WDR89: variants seen among roughly 807,000 people sequenced by gnomAD.
WDR89 encodes WD repeat domain 89.
Under a neutral mutation model 29.1 loss-of-function variants are expected in WDR89, and 17 were observed. The observed-to-expected ratio is 0.58, with a 90% CI of 0.40 to 0.88. The LOEUF is 0.88. WDR89 is among the 40% of genes least tolerant of loss of function. The pLI is 0.00. For missense variants in WDR89, 396 were observed against 456.3 expected, an observed-to-expected ratio of 0.87 and a Z score of 1.20; for synonymous variants, 138 against 157.8, an observed-to-expected ratio of 0.87 and a Z score of 0.94.
chr14:63,624,063 AT>A (rs1196438523), intron 2 of WDR89, among the ~76,000 whole-genome samples: 2 of 152,218 alleles, frequency 1.3e-5, no homozygotes, highest in Non-Finnish European at 2.9e-5. Context: ...AAAAAAGGGA[AT>A]CTATGACCTT....
intron 2 of WDR89, among the ~76,000 whole-genome samples, chr14:63,603,291 T>C (rs1168323453): frequency 6.6e-6 from 1 of 151,970 alleles, no homozygotes; most frequent in Non-Finnish European, 1.5e-5. Flanking sequence ...CACACCCCAC[T>C]GCTTTTTAAA....
intron 2 of WDR89, among the ~76,000 whole-genome samples, chr14:63,603,720 A>T (rs1009804980): frequency 6.6e-6 from 1 of 152,228 alleles, no homozygotes; most frequent in Non-Finnish European, 1.5e-5. Context: ...GGACCCCATC[A>T]GTCTGTAAGC....
intron 1 of WDR89, among the ~76,000 whole-genome samples, chr14:63,630,992 C>T (rs1252141953): frequency 1.3e-5 from 2 of 151,960 alleles, no homozygotes; most frequent in African/African-American, 4.8e-5. Context: ...GTTGCCAGAC[C>T]TGGTCTTAAA....
intron 1 of WDR89, among the ~76,000 whole-genome samples, chr14:63,631,164 T>G (rs988765659): frequency 6.6e-6 from 1 of 152,190 alleles, no homozygotes; most frequent in African/African-American, 2.4e-5. Context: ...TAACTTGATT[T>G]GATCATTACA....
chr14:63,636,214 G>T (rs749124231), intron 1 of WDR89, among the ~76,000 whole-genome samples: 6 of 152,048 alleles, frequency 3.9e-5, no homozygotes, highest in Non-Finnish European at 8.8e-5. Context: ...CCTAACAAAG[G>T]AGTCAAAAGA....
At chr14:63,625,222 A>T (rs1595033383) in intron 1 of WDR89, among the ~76,000 whole-genome samples, 189 bp from the exon 2 acceptor site, 2 of 152,370 alleles carry the variant, frequency 1.3e-5, no homozygotes, top group South Asian at 4.1e-4. Flanking sequence ...TATATATTGT[A>T]TGATTCCATT....
chr14:63,615,493 A>G (rs1016432322), intron 2 of WDR89, among the ~76,000 whole-genome samples: 2 of 152,278 alleles, frequency 1.3e-5, no homozygotes, highest in East Asian at 3.8e-4. Context: ...AAAAACAAAA[A>G]GAACCATATC....
At chr14:63,612,060 A>G (rs1882024346) in intron 2 of WDR89, among the ~76,000 whole-genome samples, 1 of 152,094 alleles carries the variant, frequency 6.6e-6, no homozygotes, top group Admixed American at 6.6e-5. Context: ...ATTGATGTTT[A>G]TAGTTCTAGA....
intron 2 of WDR89, chr14:63,601,359 G>A (rs905299584): frequency 1.5e-5 from 8 of 546,026 alleles, no homozygotes; most frequent in Non-Finnish European, 2.3e-5. Flanking sequence ...CAGGCTTCAC[G>A]GACTGTGCTC....
intron 2 of WDR89, among the ~76,000 whole-genome samples, chr14:63,622,195 A>G (rs914778514): frequency 6.6e-6 from 1 of 151,770 alleles, no homozygotes; most frequent in Non-Finnish European, 1.5e-5. Context: ...AGCACTTTGG[A>G]AGGCCGAGGT....
rs571233007 is a variant in WDR89 at position 63,617,150 on chromosome 14, G to A, written c.-32+7778C>T. 4.1e-5 allele frequency among the ~76,000 whole-genome samples: 6 copies of A among 146,972 alleles called. No individual in the cohort carries two copies. The South Asian group carries it at 1.3e-3, about 32-fold the overall frequency. On this transcript the variant is annotated intron_variant, in intron 2 of 2. Transcript: ENST00000620954. ...GGCTGGAGCACAATGGCGCGATCTC[G>A]GCTCACTACAACCTCCACCTCCCAG...
chr14:63,611,658 G>A (rs1224915842), intron 2 of WDR89, among the ~76,000 whole-genome samples: 1 of 151,820 alleles, frequency 6.6e-6, no homozygotes, highest in Non-Finnish European at 1.5e-5. Flanking sequence ...CAGGAACTCT[G>A]TACTATTTTT....
chr14:63,637,658 C>G (rs558661745), intron 1 of WDR89, among the ~76,000 whole-genome samples: 42 of 152,124 alleles, frequency 2.8e-4, no homozygotes, highest in South Asian at 1.0e-3. Flanking sequence ...TTGCCATGAC[C>G]TGGATGAGAC....
Position 63,597,262 on chromosome 14 carries a change from C to A in WDR89, c.*1517G>T, listed in dbSNP as rs1894839446. On this transcript the variant is annotated 3_prime_UTR_variant, in exon 3 of 3. Transcript: ENST00000620954. ...GGAGAACATCGTAGGGGAAACCACC[C>A]CCATGATCCAATCACCTCCCACCAG... 6.6e-6 allele frequency: 1 copy of A among 152,200 alleles called. No homozygotes were observed. Among genetic ancestry groups the A allele is most frequent in the African/African-American group, 2.4e-5 (1 of 41,454 alleles). 9.4% of individuals were successfully genotyped at this position (152,200 alleles called of 1,614,324 possible). A position where few individuals can be genotyped will look rare whatever the true frequency, so the allele number is the denominator to read the frequency against.
chr14:63,609,026 C>T (rs897417156), intron 2 of WDR89, among the ~76,000 whole-genome samples: 1 of 151,828 alleles, frequency 6.6e-6, no homozygotes, highest in African/African-American at 2.4e-5. Flanking sequence ...GCAAGGGAAT[C>T]GCTTGAAGCC....
chr14:63,638,302 CTA>C (rs1229527825), intron 1 of WDR89, among the ~76,000 whole-genome samples: 1 of 152,128 alleles, frequency 6.6e-6, no homozygotes, highest in African/African-American at 2.4e-5. Flanking sequence ...TTACAAGAAG[CTA>C]CATTAGCTGG....
chr14:63,634,296 T>C (rs1595040163), intron 1 of WDR89, among the ~76,000 whole-genome samples: 1 of 152,010 alleles, frequency 6.6e-6, no homozygotes, highest in Non-Finnish European at 1.5e-5. Context: ...CCAAGGCGGG[T>C]GGATCACCTG....
chr14:63,606,449 C>T (rs1895326585), intron 2 of WDR89, among the ~76,000 whole-genome samples: 1 of 152,120 alleles, frequency 6.6e-6, no homozygotes, highest in Non-Finnish European at 1.5e-5. Context: ...TACAGGTATA[C>T]CATTTGTTAT....
chr14:63,641,279 A>C (rs1226739900), intron 1 of WDR89: 2 of 152,238 alleles, frequency 1.3e-5, no homozygotes. Flanking sequence ...CGTGAAAATG[A>C]GAACACTCAC....
Sources: gnomAD v4.1 joint callset for allele counts (sites outside exome capture counted in the v4.1 genomes callset) on GRCh38, gnomAD v4.1.1 for gene constraint, MANE v1.5 for transcripts, NCBI Gene and HGNC (gene_info 2026-07-23, HGNC 2026-07-21) for gene names.